SLC4A5: variants seen among roughly 807,000 people sequenced by gnomAD.
The protein encoded by SLC4A5 is electrogenic sodium bicarbonate cotransporter 4.
A neutral mutation model predicts 120.4 loss-of-function variants in SLC4A5; 96 were observed. The observed-to-expected ratio is 0.80, with a 90% confidence interval of 0.68 to 0.94. SLC4A5 has a LOEUF of 0.94. Among genes scored for constraint, SLC4A5 ranks in the 40% least tolerant of loss-of-function variants. The pLI is 0.00. For synonymous variants in SLC4A5, 550 were observed against 571.1 expected (o/e 0.96, Z 0.53); for missense variants, 1,259 against 1,459.5 (o/e 0.86, Z 2.24).
intron 17 of SLC4A5, among the ~76,000 whole-genome samples, chr2:74,250,103 G>A (rs190709382): frequency 6.3e-4 from 96 of 152,242 alleles, no homozygotes; most frequent in Admixed American, 2.2e-3. Context: ...TCCCCTTAAC[G>A]GTTTGACCTA....
At chr2:74,288,966 C>T (rs1279706316) in intron 7 of SLC4A5, among the ~76,000 whole-genome samples, 1 of 152,192 alleles carries the variant, frequency 6.6e-6, no homozygotes, top group Admixed American at 6.5e-5. Context: ...ACACTAATGT[C>T]TTTCATTTGC....
intron 5 of SLC4A5, among the ~76,000 whole-genome samples, chr2:74,323,614 C>T (rs1036708157): frequency 6.6e-6 from 1 of 152,068 alleles, no homozygotes; most frequent in Non-Finnish European, 1.5e-5. Flanking sequence ...TTGATACACT[C>T]TTGGGGATTT....
chr2:74,287,927 T>A (rs569025436), intron 7 of SLC4A5, among the ~76,000 whole-genome samples: 1 of 152,224 alleles, frequency 6.6e-6, no homozygotes, highest in African/African-American at 2.4e-5. Flanking sequence ...TTCTTTCTTT[T>A]ACCCATACTT....
intron 25 of SLC4A5, among the ~76,000 whole-genome samples, chr2:74,229,116 T>TTTTTTTTTTTTCGG (rs1553451209): frequency 7.3e-6 from 1 of 136,466 alleles, no homozygotes; most frequent in African/African-American, 2.9e-5. Flanking sequence ...TTTTTTTTTT[T>TTTTTTTTTTTTCGG]CTTGAGACAG....
chr2:74,246,621 G>A (rs1393522838), intron 19 of SLC4A5, among the ~76,000 whole-genome samples: 1 of 152,212 alleles, frequency 6.6e-6, no homozygotes, highest in Non-Finnish European at 1.5e-5. Context: ...TACACGGTAT[G>A]TGGCCACACG....
chr2:74,247,394 C>T, intron 18 of SLC4A5, 87 bp from the exon 19 acceptor site: 3 of 1,403,722 alleles, frequency 2.1e-6, no homozygotes, highest in Non-Finnish European at 2.9e-6. Flanking sequence ...AGTGGCTTAT[C>T]TGTCCTCCTG....
chr2:74,238,812 A>G (rs572257472), intron 21 of SLC4A5, among the ~76,000 whole-genome samples: 18 of 152,360 alleles, frequency 1.2e-4, no homozygotes, highest in African/African-American at 3.6e-4. Flanking sequence ...GATATATTCA[A>G]TTACAATAAA....
chr2:74,261,625 T>A lies in SLC4A5; in HGVS notation c.811+512A>T, dbSNP rs146883969. ...ACGAGGTGCATGTAAAACCTGTCTG[T>A]CACCTCTCACCTCAAACCCACACCC... is the stretch of plus-strand genomic sequence containing the variant. On this transcript the variant is annotated intron_variant, in intron 11 of 30. Coordinates refer to ENST00000394019, the Ensembl canonical transcript of SLC4A5. Among the ~76,000 whole-genome samples the A allele has an allele frequency of 1.2e-3, 176 of 152,176 alleles. 3 individuals are homozygous for A. The highest frequency in any genetic ancestry group is 5.9e-4 in the Admixed American group (9 of 15,288).
chr2:74,231,191 G>A (rs749728474), intron 25 of SLC4A5, 45 bp downstream of exon 25: 1 of 1,574,582 alleles, frequency 6.4e-7, no homozygotes, highest in East Asian at 2.3e-5. Flanking sequence ...CATCCGCTCT[G>A]CTTTCTCAGG....
chr2:74,231,491 CCT>C lies in SLC4A5; in HGVS notation c.2775-185_2775-184del, dbSNP rs1213452221. Among the ~76,000 whole-genome samples, 10 of 152,246 alleles carry C rather than the reference CCT, an allele frequency of 6.6e-5. No individual in the cohort carries two copies. In the South Asian group the frequency reaches 1.7e-3, roughly 25 times the overall value. On this transcript the variant is annotated intron_variant, in intron 24 of 30. Transcript: ENST00000394019. Reference sequence around the variant, plus strand: ...ACCATATGTGGGAAGACAGGCGGCCCCTGACTGGGGCAAGGGCATCTTGCAGG... The same window carrying C: ...ACCATATGTGGGAAGACAGGCGGCCCGACTGGGGCAAGGGCATCTTGCAGG...
At chr2:74,223,007 CT>C (rs1238005058) in intron 28 of SLC4A5, 55 bp from the exon 29 acceptor site, 157,463 of 873,032 alleles carry the variant, frequency 0.18, 80 homozygotes, top group South Asian at 0.24. Flanking sequence ...ATTTGGCTTT[CT>C]TTTTTTTTTT....
intron 27 of SLC4A5, among the ~76,000 whole-genome samples, chr2:74,226,223 T>G (rs1437624536): frequency 6.6e-6 from 1 of 152,202 alleles, no homozygotes; most frequent in Non-Finnish European, 1.5e-5. Flanking sequence ...CCCAGCAGTG[T>G]GCACTTCAAG....
chr2:74,301,335 G>A (rs1214333867), intron 7 of SLC4A5, among the ~76,000 whole-genome samples: 4 of 152,228 alleles, frequency 2.6e-5, no homozygotes, highest in Non-Finnish European at 5.9e-5. Context: ...GGCAGGAACT[G>A]AAGGGGTCTC....
At chr2:74,224,558 C>G (rs1342752461) in intron 28 of SLC4A5, among the ~76,000 whole-genome samples, 1 of 152,192 alleles carries the variant, frequency 6.6e-6, no homozygotes, top group Non-Finnish European at 1.5e-5. Flanking sequence ...TTGCTGTGAT[C>G]ACGGCCGTAA....
intron 3 of SLC4A5, among the ~76,000 whole-genome samples, chr2:74,335,384 A>C (rs1212913066): frequency 6.6e-6 from 1 of 152,206 alleles, no homozygotes; most frequent in Non-Finnish European, 1.5e-5. Flanking sequence ...CGTTCTTCAG[A>C]CAGATCCCCA....
chr2:74,220,396 T>C (rs1694587186), intron 30 of SLC4A5, among the ~76,000 whole-genome samples: 1 of 151,108 alleles, frequency 6.6e-6, no homozygotes, highest in East Asian at 1.9e-4. Flanking sequence ...TTTCTGACCT[T>C]TGCTAATTAA....
intron 8 of SLC4A5, among the ~76,000 whole-genome samples, chr2:74,273,223 G>A (rs1166056339): frequency 6.6e-6 from 1 of 152,164 alleles, no homozygotes; most frequent in Admixed American, 6.5e-5. Flanking sequence ...CATAAACATT[G>A]TGATTGAAGA....
chr2:74,310,655 T>C (rs1274265877), intron 6 of SLC4A5, among the ~76,000 whole-genome samples: 1 of 152,208 alleles, frequency 6.6e-6, no homozygotes, highest in Non-Finnish European at 1.5e-5. Context: ...TAAATCCTTT[T>C]GGGTCATGGT....
chr2:74,231,062 C>T (rs1393850486), intron 25 of SLC4A5, among the ~76,000 whole-genome samples, 174 bp downstream of exon 25: 1 of 152,114 alleles, frequency 6.6e-6, no homozygotes, highest in Non-Finnish European at 1.5e-5. Context: ...CTGCCTCGGC[C>T]TCCCAAAGTG....
Sources: gnomAD v4.1 joint callset for allele counts (sites outside exome capture counted in the v4.1 genomes callset) on GRCh38, gnomAD v4.1.1 for gene constraint, MANE v1.5 for transcripts, NCBI Gene and HGNC (gene_info 2026-07-23, HGNC 2026-07-21) for gene names.